Variants in UBIAD1 observed in about 807,000 individuals in gnomAD.
UBIAD1 encodes UbiA prenyltransferase domain containing 1, also known as ubiA prenyltransferase domain-containing protein 1.
A neutral mutation model predicts 20.1 loss-of-function variants in UBIAD1; 12 were observed. That is an observed-to-expected ratio of 0.60 (90% CI 0.38 to 0.97). The LOEUF is 0.97. UBIAD1 is among the 50% of genes least tolerant of loss of function. UBIAD1 has a pLI of 0.00. For missense variants in UBIAD1, 333 were observed against 419.5 expected, an observed-to-expected ratio of 0.79 and a Z score of 1.80; for synonymous variants, 207 against 189.2, an observed-to-expected ratio of 1.09 and a Z score of -0.77.
downstream of UBIAD1, among the ~76,000 whole-genome samples, chr1:11,297,572 T>G (rs1428872182): frequency 6.6e-6 from 1 of 152,214 alleles, no homozygotes; most frequent in African/African-American, 2.4e-5. Context: ...AACCAAAGGA[T>G]GACCCATCTG....
chr1:11,289,890 C>T (rs1469265774), downstream of UBIAD1, among the ~76,000 whole-genome samples: 1 of 152,084 alleles, frequency 6.6e-6, no homozygotes, highest in African/African-American at 2.4e-5. Context: ...GCCACTATGC[C>T]CAGCTAATTT....
rs1638246821 is a variant in UBIAD1, at chr1:11,285,554, A to G, written c.530-90A>G. 2.5e-6 allele frequency: 4 copies of G among 1,593,900 alleles called. No individual in the cohort carries two copies. In the South Asian group the frequency reaches 4.5e-5, roughly 18 times the overall value. ...CACAGTCTAAGGATTTACCATTTTCAGCCGGAAGTGGCCTGCCTCTTCACT... is the reference window on the plus strand; with the variant it reads ...CACAGTCTAAGGATTTACCATTTTCGGCCGGAAGTGGCCTGCCTCTTCACT... On this transcript the variant is annotated intron_variant, in intron 1 of 1. Coordinates refer to ENST00000376810, the MANE Select transcript of UBIAD1 (RefSeq NM_013319.3). This position sits in a 1 kb window ranked among gnomAD's most constrained non-coding sequence, Gnocchi z 4.4.
At chr1:11,277,802 G>A (rs571172580) in intron 1 of UBIAD1, among the ~76,000 whole-genome samples, 3 of 152,058 alleles carry the variant, frequency 2.0e-5, no homozygotes, top group Admixed American at 6.5e-5. Flanking sequence ...GGGCCACCAC[G>A]CCCTGCTAAT....
intron 1 of UBIAD1, chr1:11,279,432 T>C (rs2101018183): frequency 6.5e-6 from 1 of 152,780 alleles, no homozygotes; most frequent in Admixed American, 6.5e-5. Context: ...TTTTGTTTTT[T>C]GTTTGTTTTG....
Position 11,273,924 on chromosome 1 carries a change from C to A in UBIAD1, c.393C>A (p.Val131=). 6.2e-7 allele frequency: 1 copy of A among 1,614,210 alleles called. No homozygotes were observed. The highest frequency in any genetic ancestry group is 8.5e-7 in the Non-Finnish European group (1 of 1,180,036). ...LVDRILEPQD[V]VRFGVFLYTL... Reference sequence around the variant, plus strand: ...ACCGAATCTTGGAGCCGCAGGATGTCGTCCGGTTCGGAGTCTTCCTCTACA... The same window carrying A: ...ACCGAATCTTGGAGCCGCAGGATGTAGTCCGGTTCGGAGTCTTCCTCTACA... The change falls in exon 1 of 2, where the codon GTC becomes GTA. Residue 131 remains valine, a synonymous_variant. Coordinates refer to ENST00000376810, the MANE Select transcript of UBIAD1 (RefSeq NM_013319.3). This position sits in a 1 kb window ranked among gnomAD's most constrained non-coding sequence, Gnocchi z 4.9.
chr1:11,275,715 C>G (rs182693010), intron 1 of UBIAD1, among the ~76,000 whole-genome samples: 2 of 152,242 alleles, frequency 1.3e-5, no homozygotes, highest in Non-Finnish European at 2.9e-5. Flanking sequence ...TGCACTCCAG[C>G]CTGGGCGACA....
At chr1:11,292,737 A>T, downstream of UBIAD1, among the ~76,000 whole-genome samples, 1 of 151,518 alleles carries the variant, frequency 6.6e-6, no homozygotes, top group Admixed American at 6.6e-5. Context: ...TCACCTCGAA[A>T]GCCCTTGAAG....
At position 11,273,241 on chromosome 1, in the gene UBIAD1, T is replaced by G; in HGVS notation, c.-291T>G. ...AGAGGCCGGCGCACAAGATGGCGGC[T>G]CTGGCGGCCTAAAGAAGGCGGCCGC... On this transcript the variant is annotated 5_prime_UTR_variant, in exon 1 of 2. Coordinates refer to ENST00000376810, the MANE Select transcript of UBIAD1 (RefSeq NM_013319.3). The surrounding 1 kb of genome is among the most constrained non-coding windows in gnomAD (Gnocchi z 4.9). The G allele has an allele frequency of 2.4e-6, 1 of 423,626 alleles. No individual in the cohort carries two copies. Among genetic ancestry groups the G allele is most frequent in the East Asian group, 5.0e-5 (1 of 19,970 alleles). The allele number at this position is 423,626 out of a possible 1,614,324, so 26.2% of individuals were successfully genotyped here.
chr1:11,287,530 A>G lies in UBIAD1; in HGVS notation c.*1399A>G, dbSNP rs1159875213. On this transcript the variant is annotated 3_prime_UTR_variant, in exon 2 of 2. Coordinates refer to ENST00000376810, the MANE Select transcript of UBIAD1 (RefSeq NM_013319.3). ...AGGCGTTTAAGGTCATGGCCTGCAG[A>G]AAATGATGTAAGAACTAGTTCTTAA... The G allele has an allele frequency of 6.6e-6, 1 of 152,248 alleles. No individual in the cohort carries two copies. The highest frequency in any genetic ancestry group is 1.5e-5 in the Non-Finnish European group (1 of 68,046). 9.4% of individuals were successfully genotyped at this position (152,248 alleles called of 1,614,324 possible).
intron 1 of UBIAD1, among the ~76,000 whole-genome samples, chr1:11,283,591 AGTGTC>A (rs1652315395): frequency 6.6e-6 from 1 of 152,110 alleles, no homozygotes; most frequent in African/African-American, 2.4e-5. Context: ...AATGTTGAAG[AGTGTC>A]AGTGGCCATG....
chr1:11,275,829 C>T (rs2101014713), intron 1 of UBIAD1, among the ~76,000 whole-genome samples: 1 of 152,188 alleles, frequency 6.6e-6, no homozygotes, highest in Middle Eastern at 3.4e-3. Flanking sequence ...AGGAGCATTT[C>T]AGGAAAAGCA....
intron 1 of UBIAD1, among the ~76,000 whole-genome samples, chr1:11,294,008 C>G (rs1176521970): frequency 6.6e-6 from 1 of 152,202 alleles, no homozygotes; most frequent in Non-Finnish European, 1.5e-5. Context: ...TAAGATCCAG[C>G]TCATATTCCT....
At chr1:11,291,642 G>A (rs188370450), downstream of UBIAD1, among the ~76,000 whole-genome samples, 7 of 150,972 alleles carry the variant, frequency 4.6e-5, no homozygotes, top group Admixed American at 2.0e-4. Context: ...TGGAATGGAT[G>A]AAAAGACAAT....
At chr1:11,294,661 G>A (rs956276237) in intron 1 of UBIAD1, among the ~76,000 whole-genome samples, 6 of 152,220 alleles carry the variant, frequency 3.9e-5, no homozygotes, top group Non-Finnish European at 8.8e-5. Context: ...AACACCCCCA[G>A]GGGCCAGCTC....
chr1:11,285,737 G>A lies in UBIAD1; in HGVS notation c.623G>A (p.Gly208Glu). 3 of 1,614,090 alleles carry A rather than the reference G, an allele frequency of 1.9e-6. No homozygotes were observed. Among genetic ancestry groups the A allele is most frequent in the African/African-American group, 1.3e-5 (1 of 74,992 alleles). Residue 208 changes from glycine (G) to glutamate (E), a missense_variant, in exon 2 of 2, where the codon GGG becomes GAG. Gly to Glu is a moderately conservative substitution (Grantham distance 98). Around this residue, in one of 3 missense-constraint regions of UBIAD1, gnomAD observed 226 missense variants for 263.5 expected, o/e 0.86. Coordinates refer to ENST00000376810, the MANE Select transcript of UBIAD1 (RefSeq NM_013319.3). The surrounding 1 kb of genome is among the most constrained non-coding windows in gnomAD (Gnocchi z 4.4). ...ATGTTCGCCTACGCCATCCAGGTGG[G>A]GTCCCTGGCCATCTTCCCACTGGTC... ...AVMFAYAIQV[G>E]SLAIFPLVYA...
rs1651847846 is a variant in UBIAD1, at chr1:11,273,369, C to A, written c.-163C>A. ...CCGCTTGGCCTCGTGGGGTGTAAGA[C>A]CCACTTGCTGTTGCCCCCGGACCTT... On this transcript the variant is annotated 5_prime_UTR_variant, in exon 1 of 2. Transcript: ENST00000376810. This position sits in a 1 kb window ranked among gnomAD's most constrained non-coding sequence, Gnocchi z 4.9. 1 of 803,622 alleles carries A rather than the reference C, an allele frequency of 1.2e-6. No homozygotes were observed. The highest frequency in any genetic ancestry group is 2.0e-6 in the Non-Finnish European group (1 of 501,818). The allele number at this position is 803,622 out of a possible 1,614,324, so 49.8% of individuals were successfully genotyped here. A position where few individuals can be genotyped will look rare whatever the true frequency, so the allele number is the denominator to read the frequency against.
At chr1:11,296,682 G>C (rs1022314935), downstream of UBIAD1, among the ~76,000 whole-genome samples, 3 of 152,096 alleles carry the variant, frequency 2.0e-5, no homozygotes, top group Non-Finnish European at 4.4e-5. Flanking sequence ...ACCATGCCCA[G>C]CTAATTTTTG....
At chr1:11,274,538 C>T (rs1482923070) in intron 1 of UBIAD1, among the ~76,000 whole-genome samples, 1 of 151,538 alleles carries the variant, frequency 6.6e-6, no homozygotes, top group Non-Finnish European at 1.5e-5. Flanking sequence ...ACCTCGTGAT[C>T]CACCCGCCTC....
At chr1:11,289,104 A>G (rs931643352), downstream of UBIAD1, among the ~76,000 whole-genome samples, 1 of 152,220 alleles carries the variant, frequency 6.6e-6, no homozygotes, top group African/African-American at 2.4e-5. Flanking sequence ...TGGACAATAT[A>G]TCCTATGAAC....
Sources: gnomAD v4.1 joint callset for allele counts (sites outside exome capture counted in the v4.1 genomes callset) on GRCh38, gnomAD v4.1.1 for gene constraint, gnomAD v4.1.1 regional missense constraint, Gnocchi (gnomAD v3.1) non-coding constraint, MANE v1.5 for transcripts, NCBI Gene and HGNC (gene_info 2026-07-23, HGNC 2026-07-21) for gene names.